MARCHF7: variants seen among roughly 807,000 people sequenced by gnomAD.
MARCHF7 encodes membrane associated ring-CH-type finger 7.
A neutral mutation model predicts 76.5 loss-of-function variants in MARCHF7; 20 were observed. The ratio of observed to expected loss-of-function variants is 0.26; its 90% confidence interval spans 0.18 to 0.38. MARCHF7 has a LOEUF of 0.38. Ranked by LOEUF, MARCHF7 falls within the 10% of genes least tolerant of loss-of-function variation. MARCHF7 has a pLI of 1.00. For synonymous variants in MARCHF7, 295 were observed against 293.0 expected (o/e 1.01, Z -0.07); for missense variants, 797 against 812.9 (o/e 0.98, Z 0.24).
intron 9 of MARCHF7, 87 bp from the exon 10 acceptor site, chr2:159,762,793 A>T (rs16844308): frequency 6.4e-6 from 4 of 626,166 alleles, no homozygotes; most frequent in Non-Finnish European, 8.1e-6. Context: ...CCTCTAGTTT[A>T]TCAGTGTACT....
intron 9 of MARCHF7, among the ~76,000 whole-genome samples, chr2:159,760,714 TG>T (rs200608966): frequency 1.0e-3 from 148 of 148,182 alleles, no homozygotes; most frequent in Middle Eastern, 3.4e-3. Flanking sequence ...TTTCCTTTTT[TG>T]TTTTTGTTTT....
chr2:159,738,936 C>T (rs1445910428), intron 4 of MARCHF7, among the ~76,000 whole-genome samples: 3 of 152,204 alleles, frequency 2.0e-5, no homozygotes, highest in African/African-American at 2.4e-5. Flanking sequence ...GCCAAGCCAC[C>T]CTCAGTTCCC....
chr2:159,716,023 C>A (rs1012134493), intron 3 of MARCHF7, among the ~76,000 whole-genome samples: 1 of 152,060 alleles, frequency 6.6e-6, no homozygotes, highest in Non-Finnish European at 1.5e-5. Flanking sequence ...GTAGACTTAA[C>A]ATCATAGTCA....
At position 159,748,499 on chromosome 2, in the gene MARCHF7, A is replaced by G; in HGVS notation, c.1209A>G (p.Arg403=). ...RCTPLFSRRR[R]EGRDESSRIP... ...CACCTTTGTTCTCTAGAAGGAGGCG[A>G]GAGGGAAGAGATGAATCTTCAAGGA... The change falls in exon 7 of 12, where the codon CGA becomes CGG. Residue 403 remains arginine (R), a synonymous_variant. Coordinates refer to ENST00000409175, the MANE Select transcript of MARCHF7 (RefSeq NM_001282805.2). The G allele has an allele frequency of 6.2e-7, 1 of 1,614,128 alleles. No homozygotes were observed. Among genetic ancestry groups the G allele is most frequent in the Non-Finnish European group, 8.5e-7 (1 of 1,179,992 alleles).
chr2:159,759,105 T>A (rs113513259), intron 8 of MARCHF7, 121 bp from the exon 9 acceptor site: 3 of 613,520 alleles, frequency 4.9e-6, no homozygotes, highest in Non-Finnish European at 8.6e-6. Flanking sequence ...AAATGTAATA[T>A]TTCCTTTTCT....
At chr2:159,720,494 A>C (rs576300066) in intron 3 of MARCHF7, among the ~76,000 whole-genome samples, 6 of 152,136 alleles carry the variant, frequency 3.9e-5, no homozygotes, top group Non-Finnish European at 7.3e-5. Flanking sequence ...TCTTTATTCA[A>C]ACACACTAAG....
At chr2:159,752,006 T>C (rs139042342) in intron 7 of MARCHF7, among the ~76,000 whole-genome samples, 133 of 152,314 alleles carry the variant, frequency 8.7e-4, no homozygotes, top group African/African-American at 2.9e-3. Flanking sequence ...CTTACCTTTA[T>C]ACTGTTGGAC....
intron 8 of MARCHF7, among the ~76,000 whole-genome samples, chr2:159,757,461 T>G (rs968624515): frequency 6.6e-6 from 1 of 152,154 alleles, no homozygotes; most frequent in Non-Finnish European, 1.5e-5. Flanking sequence ...CAGATGCAAT[T>G]CAGGGTGTAA....
chr2:159,720,549 C>T (rs1701521796), intron 3 of MARCHF7, among the ~76,000 whole-genome samples: 1 of 152,076 alleles, frequency 6.6e-6, no homozygotes, highest in South Asian at 2.1e-4. Flanking sequence ...GATGTTTTTG[C>T]TACCCTATTT....
At chr2:159,759,184 C>T (rs374890793) in intron 8 of MARCHF7, 42 bp from the exon 9 acceptor site, 387 of 1,049,104 alleles carry the variant, frequency 3.7e-4, no homozygotes, top group Admixed American at 1.8e-3. Context: ...TTTATGAAGA[C>T]ATTATAAAAC....
rs1294438036 is a variant in MARCHF7, at chr2:159,745,925, A to G, written c.502A>G (p.Thr168Ala). 19 of 1,608,366 alleles carry G rather than the reference A, an allele frequency of 1.2e-5. No individual in the cohort carries two copies. The East Asian group carries it at 4.3e-4, about 36-fold the overall frequency. Residue 168 changes from threonine (T) to alanine (A), a missense_variant, in exon 6 of 12, where the codon ACA (threonine) becomes GCA (alanine). Around this residue, in one of 3 missense-constraint regions of MARCHF7, gnomAD observed 643 missense variants for 631.5 expected, o/e 1.02. Coordinates refer to ENST00000409175, the MANE Select transcript of MARCHF7 (RefSeq NM_001282805.2). ...TTATAGTCACCGAAGTGGTGATTTC[A>G]CAACTTCATCATGTATGTATAAATT... Reference protein sequence around the residue: ...MDYSHRSGDFTTSSYVQDRVP... With the variant: ...MDYSHRSGDFATSSYVQDRVP...
At chr2:159,745,637 CAG>C in intron 5 of MARCHF7, 131 bp from the exon 6 acceptor site, 1 of 576,884 alleles carries the variant, frequency 1.7e-6, no homozygotes. Context: ...GCCTGGGTGA[CAG>C]AGTGAGACTC....
chr2:159,718,983 C>T (rs1184017944), intron 3 of MARCHF7, among the ~76,000 whole-genome samples: 1 of 152,066 alleles, frequency 6.6e-6, no homozygotes, highest in African/African-American at 2.4e-5. Context: ...CTGGGCACTT[C>T]TAATTGCTTA....
intron 8 of MARCHF7, among the ~76,000 whole-genome samples, chr2:159,756,403 T>G (rs1244098521): frequency 6.6e-6 from 1 of 152,050 alleles, no homozygotes; most frequent in Admixed American, 6.6e-5. Flanking sequence ...AAAATACAGA[T>G]GGGCCAGGCA....
At chr2:159,765,786 TCA>T (rs111777058) in intron 11 of MARCHF7, among the ~76,000 whole-genome samples, 3 of 152,322 alleles carry the variant, frequency 2.0e-5, no homozygotes, top group Admixed American at 6.5e-5. Context: ...TAACATATTT[TCA>T]CAGTTTTAAT....
At chr2:159,716,878 T>C (rs1701097236) in intron 3 of MARCHF7, among the ~76,000 whole-genome samples, 1 of 152,190 alleles carries the variant, frequency 6.6e-6, no homozygotes, top group African/African-American at 2.4e-5. Context: ...GAATCTTTGT[T>C]CTATGGCTGC....
chr2:159,769,662 C>G lies in MARCHF7; in HGVS notation c.*2320C>G, dbSNP rs751280929. 2 of 149,048 alleles carry G rather than the reference C, an allele frequency of 1.3e-5. No individual in the cohort carries two copies. The highest frequency in any genetic ancestry group is 3.0e-5 in the Non-Finnish European group (2 of 67,534). The allele number at this position is 149,048 out of a possible 1,614,324, so 9.2% of individuals were successfully genotyped here. A position where few individuals can be genotyped will look rare whatever the true frequency, so the allele number is the denominator to read the frequency against. On this transcript the variant is annotated 3_prime_UTR_variant, in exon 12 of 12. Coordinates refer to ENST00000409175, the MANE Select transcript of MARCHF7 (RefSeq NM_001282805.2). ...CTCCATCATATATATATATATAGCACTTCATTACCAGAGGCCTCTTGGCCT... is the reference window on the plus strand; with the variant it reads ...CTCCATCATATATATATATATAGCAGTTCATTACCAGAGGCCTCTTGGCCT...
At chr2:159,731,211 C>T (rs1027153211) in intron 4 of MARCHF7, among the ~76,000 whole-genome samples, 9 of 152,068 alleles carry the variant, frequency 5.9e-5, no homozygotes, top group South Asian at 2.1e-4. Flanking sequence ...TTTGTATCAC[C>T]TACTTTATCC....
At position 159,762,802 on chromosome 2, in the gene MARCHF7, C is replaced by G. The variant is rs114026531; in HGVS notation, c.1894-78C>G. The G allele has an allele frequency of 0.028, 21,090 of 761,644 alleles. 434 individuals carry two copies. Among genetic ancestry groups the G allele is most frequent in the Non-Finnish European group, 0.035 (15,878 of 456,506 alleles). 47.2% of individuals were successfully genotyped at this position (761,644 alleles called of 1,614,324 possible). ...ACATTTCCTCTAGTTTATCAGTGTA[C>G]TGTGAGTATCAATCTCAATTCTACT... On this transcript the variant is annotated intron_variant, in intron 9 of 11. Coordinates refer to ENST00000409175, the MANE Select transcript of MARCHF7 (RefSeq NM_001282805.2).
Sources: allele counts gnomAD v4.1 joint callset (sites outside exome capture counted in the v4.1 genomes callset), GRCh38; gene constraint gnomAD v4.1.1; regional missense constraint gnomAD v4.1.1; transcripts MANE v1.5; gene names NCBI Gene and HGNC (gene_info 2026-07-23, HGNC 2026-07-21).